The following UBE2W variants were observed in gnomAD, a reference collection of about 807,000 sequenced individuals.
The protein encoded by UBE2W is ubiquitin conjugating enzyme E2 W.
Under a neutral mutation model 27.2 loss-of-function variants are expected in UBE2W, and 18 were observed. The observed-to-expected ratio is 0.66, with a 90% CI of 0.46 to 0.98. The LOEUF is 0.98. Ranked by LOEUF, UBE2W falls within the 50% of genes least tolerant of loss-of-function variation. The pLI is 0.00. For missense variants in UBE2W, 90 were observed against 180.2 expected (o/e 0.50, Z 2.87); for synonymous variants, 53 against 57.2 (o/e 0.93, Z 0.33).
In UBE2W at chr8:73,855,707, T is replaced by C. The variant is rs551581611; in HGVS notation, c.15+23101A>G. Among the ~76,000 whole-genome samples the C allele has an allele frequency of 1.4e-4, 22 of 152,198 alleles. No individual in the cohort carries two copies. In the South Asian group the frequency reaches 4.4e-3, roughly 30 times the overall value. On this transcript the variant is annotated intron_variant, in intron 1 of 5. Transcript: ENST00000602593. ...AGGCGTGAGCCACAGCACCCAGCCC[T>C]GTTTACATTTCTTGACTGTGAACAG...
At chr8:73,812,865 A>T (rs976750973) in intron 3 of UBE2W, among the ~76,000 whole-genome samples, 8 of 151,806 alleles carry the variant, frequency 5.3e-5, no homozygotes, top group African/African-American at 1.9e-4. Flanking sequence ...ATTAGCTGGG[A>T]GCGGTGGCAC....
At chr8:73,806,432 G>A (rs1373089309) in intron 4 of UBE2W, among the ~76,000 whole-genome samples, 1 of 151,262 alleles carries the variant, frequency 6.6e-6, no homozygotes, top group Non-Finnish European at 1.5e-5. Context: ...AGGCGCGGTG[G>A]CTCACGCCTG....
chr8:73,803,290 T>TC (rs112868536), intron 5 of UBE2W, among the ~76,000 whole-genome samples: 10 of 152,320 alleles, frequency 6.6e-5, no homozygotes, highest in African/African-American at 2.2e-4. Flanking sequence ...AAATATTCCT[T>TC]CTCCAAAGGA....
intron 1 of UBE2W, chr8:73,831,312 T>A (rs1224947734): frequency 5.1e-5 from 10 of 197,252 alleles, no homozygotes; most frequent in Non-Finnish European, 1.0e-4. Flanking sequence ...TTTCTTTTTT[T>A]AATGCAAGAT....
chr8:73,805,472 C>CAAAACAAAAAAAACAAACAAAAAAAA (rs1554579998), intron 5 of UBE2W, among the ~76,000 whole-genome samples, 179 bp downstream of exon 5: 1 of 43,676 alleles, frequency 2.3e-5, no homozygotes, highest in Non-Finnish European at 5.0e-5. Flanking sequence ...AAAAAAAAAA[C>CAAAACAAAAAAAACAAACAAAAAAAA]AAAAAAAACT....
chr8:73,821,113 C>T (rs533725785), intron 3 of UBE2W, among the ~76,000 whole-genome samples: 19 of 152,152 alleles, frequency 1.2e-4, no homozygotes, highest in East Asian at 7.7e-4. Context: ...TTTTCCACAC[C>T]GGTACTCGCA....
chr8:73,803,476 T>A (rs1192709745), intron 5 of UBE2W, among the ~76,000 whole-genome samples: 1 of 152,222 alleles, frequency 6.6e-6, no homozygotes, highest in African/African-American at 2.4e-5. Context: ...AGATTAATTC[T>A]CCATTACCTT....
intron 1 of UBE2W, among the ~76,000 whole-genome samples, chr8:73,840,841 C>G (rs969973788): frequency 1.3e-5 from 2 of 152,106 alleles, no homozygotes; most frequent in African/African-American, 4.8e-5. Context: ...CTCTACTGTA[C>G]TATATGATAT....
rs562557827 is a variant in UBE2W, at chr8:73,853,217, T to C, written c.16-22745A>G. 1.4e-4 allele frequency among the ~76,000 whole-genome samples: 22 copies of C among 152,322 alleles called. No individual in the cohort carries two copies. The South Asian group carries it at 3.9e-3, about 27-fold the overall frequency. The stretch of plus-strand genomic sequence containing the variant: ...TCCCAGCCTCCAGAACTGTAAGGAT[T>C]AAATTTCTGTTGTTTATAATTACTC... On this transcript the variant is annotated intron_variant, in intron 1 of 5. Transcript: ENST00000602593.
chr8:73,851,963 T>A (rs200092756), intron 1 of UBE2W, among the ~76,000 whole-genome samples: 1,271 of 117,212 alleles, frequency 0.011, 10 homozygotes, highest in Non-Finnish European at 0.016. Context: ...TTTTTTTTTT[T>A]AAAAAAAAAA....
intron 1 of UBE2W, chr8:73,870,320 A>C (rs1228596114): frequency 5.7e-6 from 9 of 1,570,934 alleles, no homozygotes; most frequent in Non-Finnish European, 7.8e-6. Context: ...ACAAAGAAAG[A>C]CCTCATGTAA....
intron 3 of UBE2W, among the ~76,000 whole-genome samples, chr8:73,812,099 C>T (rs1472122101): frequency 6.6e-6 from 1 of 151,812 alleles, no homozygotes; most frequent in Admixed American, 6.6e-5. Flanking sequence ...GGACACATTT[C>T]CTTGGCTAAG....
intron 1 of UBE2W, among the ~76,000 whole-genome samples, chr8:73,861,659 T>C (rs1302124011): frequency 1.3e-5 from 2 of 152,172 alleles, no homozygotes; most frequent in African/African-American, 4.8e-5. Flanking sequence ...CAACGATTCA[T>C]GATATAATAA....
At chr8:73,849,331 G>T (rs1167875262) in intron 1 of UBE2W, among the ~76,000 whole-genome samples, 1 of 151,820 alleles carries the variant, frequency 6.6e-6, no homozygotes, top group African/African-American at 2.4e-5. Flanking sequence ...GGCCAACGTT[G>T]TAAAACCCCG....
chr8:73,842,752 G>T (rs1400397085), intron 1 of UBE2W, among the ~76,000 whole-genome samples: 1 of 152,084 alleles, frequency 6.6e-6, no homozygotes, highest in African/African-American at 2.4e-5. Flanking sequence ...AGTGGAGAAA[G>T]AGGACATACT....
chr8:73,818,789 CTT>C (rs999934329), intron 3 of UBE2W, among the ~76,000 whole-genome samples: 2 of 152,210 alleles, frequency 1.3e-5, no homozygotes, highest in Non-Finnish European at 2.9e-5. Context: ...GCCACTGACT[CTT>C]GTTCCCACTC....
chr8:73,797,986 ATTAT>A, intron 5 of UBE2W, among the ~76,000 whole-genome samples: 1 of 152,198 alleles, frequency 6.6e-6, no homozygotes. Context: ...CATGCAAAAA[ATTAT>A]TTAAAATGCT....
chr8:73,876,769 G>A (rs757710464), intron 1 of UBE2W, among the ~76,000 whole-genome samples: 24 of 152,170 alleles, frequency 1.6e-4, no homozygotes, highest in Non-Finnish European at 2.8e-4. Flanking sequence ...GGGAGTTCAA[G>A]ACCAGCCTGA....
intron 3 of UBE2W, among the ~76,000 whole-genome samples, chr8:73,820,092 G>A (rs558478948): frequency 4.6e-5 from 7 of 152,232 alleles, no homozygotes; most frequent in African/African-American, 1.4e-4. Context: ...TGAGTACCAT[G>A]CCCAGCCAGA....
Sources: allele counts gnomAD v4.1 joint callset (sites outside exome capture counted in the v4.1 genomes callset), GRCh38; gene constraint gnomAD v4.1.1; transcripts MANE v1.5; gene names NCBI Gene and HGNC (gene_info 2026-07-23, HGNC 2026-07-21).